The following TBC1D1 variants were observed in gnomAD, a reference collection of about 807,000 sequenced individuals.
TBC1D1 encodes the protein TBC1 (tre-2/USP6, BUB2, cdc16) domain family, member 1.
TBC1D1 carries 89 observed loss-of-function variants against 125.6 expected under a neutral mutation model. The observed-to-expected ratio is 0.71, with a 90% CI of 0.60 to 0.85. The LOEUF (loss-of-function observed/expected upper bound fraction) is 0.85, where lower values mean the gene tolerates loss of function less well. TBC1D1 is among the 40% of genes least tolerant of loss of function. The pLI is 0.00. For missense variants in TBC1D1, 1,377 were observed against 1,469.2 expected, an observed-to-expected ratio of 0.94 and a Z score of 1.03; for synonymous variants, 565 against 564.1, an observed-to-expected ratio of 1.00 and a Z score of -0.02.
rs1491148206 is a variant in TBC1D1, at chr4:38,052,728, G to GCGCGCA, written c.1911-1470_1911-1469insGCGCAC. Among the ~76,000 whole-genome samples the GCGCGCA allele has an allele frequency of 5.2e-3, 616 of 118,322 alleles. 5 individuals carry two copies. Among genetic ancestry groups the GCGCGCA allele is most frequent in the African/African-American group, 0.012 (349 of 28,646 alleles). 77.6% of individuals were successfully genotyped at this position (118,322 alleles called of 152,430 possible). ...TACACACACACGCGCGCGCGCGCGC[G>GCGCGCA]CACACACACACACACACACACACAC... On this transcript the variant is annotated intron_variant, in intron 11 of 19. Transcript: ENST00000261439.
chr4:37,910,991 T>A (rs1718479167), intron 2 of TBC1D1, among the ~76,000 whole-genome samples: 1 of 151,840 alleles, frequency 6.6e-6, no homozygotes, highest in Non-Finnish European at 1.5e-5. Context: ...AAAATGTGCC[T>A]ACTAGATAAT....
In TBC1D1 at chr4:38,137,553, C is replaced by G. The variant is rs543986224; in HGVS notation, c.*218C>G. The G allele has an allele frequency of 7.5e-6, 4 of 535,974 alleles. No homozygotes were observed. The Admixed American group carries it at 1.2e-4, about 16-fold the overall frequency. 33.2% of individuals were successfully genotyped at this position (535,974 alleles called of 1,614,324 possible). A position where few individuals can be genotyped will look rare whatever the true frequency, so the allele number is the denominator to read the frequency against. On this transcript the variant is annotated 3_prime_UTR_variant, in exon 20 of 20. Coordinates refer to ENST00000261439, the MANE Select transcript of TBC1D1 (RefSeq NM_015173.4). ...TTTTAGATACTAAATCGTCCCTTCT[C>G]CAGTCCTGATTACTGTACACAGTAG...
chr4:38,124,214 C>CA (rs11432420), intron 17 of TBC1D1, among the ~76,000 whole-genome samples: 151,556 of 152,332 alleles, frequency 0.99, 75,398 homozygotes, highest in Middle Eastern at 1. Flanking sequence ...CCCAGGACAT[C>CA]GACTCTTTTT....
intron 4 of TBC1D1, among the ~76,000 whole-genome samples, chr4:38,020,279 G>A (rs985850456): frequency 6.6e-6 from 1 of 152,130 alleles, no homozygotes; most frequent in African/African-American, 2.4e-5. Flanking sequence ...CTGAGGTCAG[G>A]AGTTCGAGAC....
chr4:37,954,658 C>A (rs773259953), intron 2 of TBC1D1, among the ~76,000 whole-genome samples: 1 of 151,932 alleles, frequency 6.6e-6, no homozygotes, highest in Non-Finnish European at 1.5e-5. Flanking sequence ...TGATGAGGAC[C>A]GGCCTAGGAT....
Position 37,995,540 on chromosome 4 carries a change from C to G in TBC1D1, c.418-18969C>G. 2.7e-6 allele frequency: 1 copy of G among 366,314 alleles called. No individual in the cohort carries two copies. The highest frequency in any genetic ancestry group is 5.4e-6 in the Non-Finnish European group (1 of 185,578). 22.7% of individuals were successfully genotyped at this position (366,314 alleles called of 1,614,324 possible). A position where few individuals can be genotyped will look rare whatever the true frequency, so the allele number is the denominator to read the frequency against. On this transcript the variant is annotated intron_variant, in intron 2 of 19. Coordinates refer to ENST00000261439, the MANE Select transcript of TBC1D1 (RefSeq NM_015173.4). This position sits in a 1 kb window ranked among gnomAD's most constrained non-coding sequence, Gnocchi z 4.3. ...TTCACCTTTTGGGTTGCGGTTTTCT[C>G]CAGGTTGGTGCTGATGATATGATAA... is the stretch of plus-strand genomic sequence containing the variant.
At chr4:38,107,118 G>A (rs1761441286) in intron 15 of TBC1D1, among the ~76,000 whole-genome samples, 1 of 152,182 alleles carries the variant, frequency 6.6e-6, no homozygotes, top group African/African-American at 2.4e-5. Context: ...CATTTCCCAG[G>A]TCACCTCTGT....
At chr4:37,920,266 C>T (rs1353276123) in intron 2 of TBC1D1, among the ~76,000 whole-genome samples, 1 of 152,166 alleles carries the variant, frequency 6.6e-6, no homozygotes, top group Non-Finnish European at 1.5e-5. Context: ...GAAGGACAGT[C>T]ATAGACAGGT....
rs569872329 is a variant in TBC1D1 at position 38,094,925 on chromosome 4, A to T, written c.2237-1004A>T. On this transcript the variant is annotated intron_variant, in intron 13 of 19. Coordinates refer to ENST00000261439, the MANE Select transcript of TBC1D1 (RefSeq NM_015173.4). ...AAATCTAGGGTTGACATTTTTAAAA[A>T]TTTTTTTAAAAAACATTTTTCTTGG... Among the ~76,000 whole-genome samples, 181 of 152,168 alleles carry T rather than the reference A, an allele frequency of 1.2e-3. 1 individual carries two copies. The highest frequency in any genetic ancestry group is 4.0e-3 in the African/African-American group (167 of 41,490).
intron 2 of TBC1D1, among the ~76,000 whole-genome samples, chr4:37,992,493 G>GT (rs1006353203): frequency 0.089 from 11,166 of 125,536 alleles, 691 homozygotes; most frequent in Middle Eastern, 0.15. Context: ...GAAGTCTGGT[G>GT]TTTTTTTTTT....
At chr4:38,090,536 TG>T (rs1163043737) in intron 13 of TBC1D1, among the ~76,000 whole-genome samples, 2 of 152,228 alleles carry the variant, frequency 1.3e-5, no homozygotes, top group African/African-American at 4.8e-5. Flanking sequence ...AACTTCACTC[TG>T]TGTGCTTTTT....
chr4:37,917,240 G>A (rs934129158), intron 2 of TBC1D1, among the ~76,000 whole-genome samples: 3 of 151,526 alleles, frequency 2.0e-5, no homozygotes, highest in Non-Finnish European at 2.9e-5. Flanking sequence ...TTGGGAGGCC[G>A]AGGCAGGTGG....
chr4:37,908,486 A>G (rs1312933571), intron 2 of TBC1D1, among the ~76,000 whole-genome samples: 1 of 152,166 alleles, frequency 6.6e-6, no homozygotes, highest in African/African-American at 2.4e-5. Flanking sequence ...GATTACAGAC[A>G]TGAGACACTT....
intron 7 of TBC1D1, among the ~76,000 whole-genome samples, chr4:38,028,723 G>A (rs544164492): frequency 1.3e-5 from 2 of 152,330 alleles, no homozygotes; most frequent in African/African-American, 4.8e-5. Flanking sequence ...GGAGACAGAA[G>A]GTCCGGCCTC....
At chr4:38,075,957 C>G (rs747218326) in intron 12 of TBC1D1, among the ~76,000 whole-genome samples, 1 of 152,166 alleles carries the variant, frequency 6.6e-6, no homozygotes, top group South Asian at 2.1e-4. Flanking sequence ...CAGCTCTTCT[C>G]TGTAAATTAC....
At chr4:38,093,264 G>A (rs1367387466) in intron 13 of TBC1D1, among the ~76,000 whole-genome samples, 1 of 152,118 alleles carries the variant, frequency 6.6e-6, no homozygotes, top group Non-Finnish European at 1.5e-5. Context: ...TGTGTATGAG[G>A]AAGTTCTTAT....
chr4:38,035,848 T>G, intron 8 of TBC1D1, 150 bp downstream of exon 8: 1 of 660,210 alleles, frequency 1.5e-6, no homozygotes, highest in East Asian at 2.8e-5. Flanking sequence ...AATTTGGGAG[T>G]GTTAGACTAT....
chr4:37,924,041 C>T (rs898276384), intron 2 of TBC1D1, among the ~76,000 whole-genome samples: 1 of 152,116 alleles, frequency 6.6e-6, no homozygotes, highest in South Asian at 2.1e-4. Flanking sequence ...TGTGATCGAT[C>T]TTTGCAATCT....
intron 2 of TBC1D1, among the ~76,000 whole-genome samples, chr4:37,924,911 A>C (rs149072584): frequency 6.6e-6 from 1 of 152,344 alleles, no homozygotes; most frequent in African/African-American, 2.4e-5. Flanking sequence ...TCCTGGGTCA[A>C]CCAAGCATGT....
Sources: gnomAD v4.1 joint callset for allele counts (sites outside exome capture counted in the v4.1 genomes callset) on GRCh38, gnomAD v4.1.1 for gene constraint, Gnocchi (gnomAD v3.1) non-coding constraint, MANE v1.5 for transcripts, NCBI Gene and HGNC (gene_info 2026-07-23, HGNC 2026-07-21) for gene names.